LAMA3: variants seen among roughly 807,000 people sequenced by gnomAD.
The protein encoded by LAMA3 is laminin subunit alpha-3.
LAMA3 carries 281 observed loss-of-function variants against 402.0 expected under a neutral mutation model. The observed-to-expected ratio is 0.70, with a 90% CI of 0.63 to 0.77. The LOEUF (loss-of-function observed/expected upper bound fraction) is 0.77. Ranked by LOEUF, LAMA3 falls within the 30% of genes least tolerant of loss-of-function variation. The pLI, the probability that LAMA3 is intolerant of heterozygous loss-of-function variation, is 0.00. For missense variants in LAMA3, 3,840 were observed against 4,215.5 expected, an observed-to-expected ratio of 0.91 and a Z score of 2.47; for synonymous variants, 1,431 against 1,558.4, an observed-to-expected ratio of 0.92 and a Z score of 1.93.
intron 67 of LAMA3, among the ~76,000 whole-genome samples, chr18:23,938,505 C>G (rs1158045633): frequency 6.6e-6 from 1 of 152,206 alleles, no homozygotes; most frequent in Non-Finnish European, 1.5e-5. Context: ...TGAGTCAACT[C>G]TGGTGGAAGT....
intron 67 of LAMA3, among the ~76,000 whole-genome samples, chr18:23,938,297 G>A (rs563956964): frequency 2.6e-5 from 4 of 152,282 alleles, no homozygotes; most frequent in South Asian, 2.1e-4. Context: ...TTGACTGATG[G>A]AGATCCCCAC....
intron 38 of LAMA3, chr18:23,872,784 T>G: frequency 2.0e-6 from 1 of 497,032 alleles, no homozygotes; most frequent in Non-Finnish European, 3.7e-6. Flanking sequence ...AGCCTGTGAT[T>G]TAGGGCGTCT....
Position 23,895,949 on chromosome 18 carries a change from C to G in LAMA3, c.5613+891C>G, listed in dbSNP as rs1243685408. 2.6e-5 allele frequency among the ~76,000 whole-genome samples: 4 copies of G among 152,276 alleles called. No homozygotes were observed. The East Asian group carries it at 7.7e-4, about 29-fold the overall frequency. On this transcript the variant is annotated intron_variant, in intron 44 of 74. Coordinates refer to ENST00000313654, the MANE Select transcript of LAMA3 (RefSeq NM_198129.4). ...TCACTAAGCACTGCTTTAGCTGTATCCCACACACCTTGCAATGTTATGTTT... is the reference window on the plus strand; with the variant it reads ...TCACTAAGCACTGCTTTAGCTGTATGCCACACACCTTGCAATGTTATGTTT...
chr18:23,776,637 A>G (rs1276413679), intron 10 of LAMA3, among the ~76,000 whole-genome samples: 1 of 152,082 alleles, frequency 6.6e-6, no homozygotes, highest in African/African-American at 2.4e-5. Flanking sequence ...TCATAGGAAA[A>G]GCATATTGAG....
chr18:23,737,021 C>A (rs141396246), intron 2 of LAMA3, among the ~76,000 whole-genome samples: 7 of 152,226 alleles, frequency 4.6e-5, no homozygotes, highest in East Asian at 3.9e-4. Context: ...ATGCTTCCCC[C>A]ACCCCCACCA....
chr18:23,858,606 G>C lies in LAMA3; in HGVS notation c.4282-83G>C. ...ATCCTCATCCTAACATCTTGTGTTG[G>C]TATTTAATTTGTGCAAGTAGCTAAT... On this transcript the variant is annotated intron_variant, in intron 33 of 74. Coordinates refer to ENST00000313654, the MANE Select transcript of LAMA3 (RefSeq NM_198129.4). 5.8e-6 allele frequency: 7 copies of C among 1,212,082 alleles called. No homozygotes were observed. The Middle Eastern group carries it at 1.1e-3, about 195-fold the overall frequency. 75.1% of individuals were successfully genotyped at this position (1,212,082 alleles called of 1,614,324 possible).
At chr18:23,764,404 T>A (rs1014122048) in intron 8 of LAMA3, among the ~76,000 whole-genome samples, 1 of 152,220 alleles carries the variant, frequency 6.6e-6, no homozygotes, top group Non-Finnish European at 1.5e-5. Context: ...GTGTGCATAT[T>A]AAGTTGCAGA....
At chr18:23,818,395 C>T (rs1320086422) in intron 18 of LAMA3, among the ~76,000 whole-genome samples, 1 of 152,152 alleles carries the variant, frequency 6.6e-6, no homozygotes, top group Non-Finnish European at 1.5e-5. Context: ...AAGTTTAGAG[C>T]GTGTCCTTGG....
intron 62 of LAMA3, among the ~76,000 whole-genome samples, chr18:23,923,765 G>C (rs1033501347): frequency 6.6e-6 from 1 of 152,166 alleles, no homozygotes; most frequent in Non-Finnish European, 1.5e-5. Context: ...CTCAAGTTGA[G>C]GCAATAAGGA....
At position 23,899,594 on chromosome 18, in the gene LAMA3, G is replaced by A. The variant is rs1599038971; in HGVS notation, c.6004+139G>A. ...GAATATTACTGTTAGAGCATCACGT[G>A]GTGAAAATTGGTAGCCCCCAGGAGT... On this transcript the variant is annotated intron_variant, in intron 47 of 74. Transcript: ENST00000313654. 2.2e-5 allele frequency: 19 copies of A among 870,020 alleles called. No individual in the cohort carries two copies. In the East Asian group the frequency reaches 5.1e-4, roughly 23 times the overall value. The allele number at this position is 870,020 out of a possible 1,614,324, so 53.9% of individuals were successfully genotyped here.
At chr18:23,900,867 C>G (rs949708567) in intron 47 of LAMA3, among the ~76,000 whole-genome samples, 4 of 152,130 alleles carry the variant, frequency 2.6e-5, no homozygotes, top group African/African-American at 7.2e-5. Context: ...TTGGGTCAGT[C>G]CTCTCATTTC....
chr18:23,772,025 T>C (rs1446899639), intron 8 of LAMA3, among the ~76,000 whole-genome samples: 1 of 151,580 alleles, frequency 6.6e-6, no homozygotes, highest in Non-Finnish European at 1.5e-5. Context: ...TCCACAGAGA[T>C]GTGACTTCTG....
At position 23,833,943 on chromosome 18, in the gene LAMA3, G is replaced by C. The variant is rs1229899287; in HGVS notation, c.2939G>C (p.Gly980Ala). Residue 980 changes from glycine to alanine, a missense_variant, in exon 24 of 75, where the codon GGG becomes GCG. By Grantham distance (60) the Gly-to-Ala change is moderately conservative. This residue lies in a region of LAMA3 where 2,109 missense variants were observed against 2,376.0 expected (regional missense o/e 0.89). Coordinates refer to ENST00000313654, the MANE Select transcript of LAMA3 (RefSeq NM_198129.4). ...FVVDVNVKSS[G>A]SVLAGQVNIY... Reference sequence around the variant, plus strand: ...GTTGATGTGAATGTGAAGAGCTCCGGGTCTGTTCTGGCAGGCCAGGTGAAC... The same window carrying C: ...GTTGATGTGAATGTGAAGAGCTCCGCGTCTGTTCTGGCAGGCCAGGTGAAC... 1.2e-6 allele frequency: 2 copies of C among 1,614,168 alleles called. No individual in the cohort carries two copies. The highest frequency in any genetic ancestry group is 2.2e-5 in the East Asian group (1 of 44,886).
At chr18:23,890,672 G>A (rs2080629656) in intron 42 of LAMA3, among the ~76,000 whole-genome samples, 2 of 152,122 alleles carry the variant, frequency 1.3e-5, no homozygotes, top group South Asian at 2.1e-4. Flanking sequence ...ATATTAATAG[G>A]ATTAATCAGG....
chr18:23,892,995 A>C (rs2080737836), intron 42 of LAMA3, among the ~76,000 whole-genome samples: 1 of 151,654 alleles, frequency 6.6e-6, no homozygotes, highest in South Asian at 2.1e-4. Context: ...AATATTTATA[A>C]AGGGAACATT....
intron 37 of LAMA3, among the ~76,000 whole-genome samples, chr18:23,868,554 G>A (rs2064424437): frequency 6.6e-6 from 1 of 152,164 alleles, no homozygotes; most frequent in South Asian, 2.1e-4. Flanking sequence ...CGAAGCTGCA[G>A]TGAGCCATGG....
intron 72 of LAMA3, among the ~76,000 whole-genome samples, chr18:23,950,691 T>C (rs368039744): frequency 1.2e-4 from 18 of 152,354 alleles, no homozygotes; most frequent in African/African-American, 4.3e-4. Context: ...AAGATTGATA[T>C]AATATGCCAT....
At chr18:23,782,652 T>A (rs1328580391) in intron 11 of LAMA3, among the ~76,000 whole-genome samples, 1 of 152,208 alleles carries the variant, frequency 6.6e-6, no homozygotes, top group Admixed American at 6.5e-5. Flanking sequence ...CTCTGAAAGT[T>A]GCTTTTAAAA....
chr18:23,747,842 T>C, intron 2 of LAMA3, 101 bp from the exon 3 acceptor site: 1 of 773,200 alleles, frequency 1.3e-6, no homozygotes, highest in Non-Finnish European at 2.4e-6. Context: ...CAAGGGATTG[T>C]GGTGGGACGT....
Sources: allele counts gnomAD v4.1 joint callset (sites outside exome capture counted in the v4.1 genomes callset), GRCh38; gene constraint gnomAD v4.1.1; regional missense constraint gnomAD v4.1.1; transcripts MANE v1.5; gene names NCBI Gene and HGNC (gene_info 2026-07-23, HGNC 2026-07-21).